MYT1L: variants seen among roughly 807,000 people sequenced by gnomAD.
The protein encoded by MYT1L is myelin transcription factor 1 like, also known as myelin transcription factor 1-like protein.
A neutral mutation model predicts 126.7 loss-of-function variants in MYT1L; 12 were observed. The observed-to-expected ratio is 0.09, with a 90% CI of 0.06 to 0.15. The LOEUF (loss-of-function observed/expected upper bound fraction) is 0.15. Ranked by LOEUF, MYT1L falls within the 10% of genes least tolerant of loss-of-function variation. The pLI is 1.00. For missense variants in MYT1L, 979 were observed against 1,585.2 expected (o/e 0.62, Z 6.49); for synonymous variants, 541 against 604.2 (o/e 0.90, Z 1.53).
At chr2:1,874,655 G>A (rs926983308) in intron 18 of MYT1L, among the ~76,000 whole-genome samples, 16 of 152,262 alleles carry the variant, frequency 1.1e-4, no homozygotes, top group African/African-American at 3.1e-4. Flanking sequence ...TGATGATGTC[G>A]GACACAGGGT....
rs991622764 is a variant in MYT1L at position 1,826,688 on chromosome 2, C to T, written c.3080+12461G>A. 5.3e-5 allele frequency among the ~76,000 whole-genome samples: 8 copies of T among 152,274 alleles called. No individual in the cohort carries two copies. The East Asian group carries it at 9.7e-4, about 18-fold the overall frequency. On this transcript the variant is annotated intron_variant, in intron 21 of 24. Transcript: ENST00000647738. ...GGGTACCGGGTCAGTGCAGGGCCGG[C>T]GTCGGGGAAAGCGGAGGGCTCCCCT...
chr2:2,068,778 T>G (rs1467583062), intron 3 of MYT1L, among the ~76,000 whole-genome samples: 43 of 139,144 alleles, frequency 3.1e-4, no homozygotes, highest in African/African-American at 1.0e-3. Flanking sequence ...TGTTTTTTTT[T>G]TTTTTTTTTT....
intron 2 of MYT1L, among the ~76,000 whole-genome samples, chr2:2,266,082 G>C (rs916974045): frequency 2.6e-5 from 4 of 152,216 alleles, no homozygotes; most frequent in African/African-American, 9.6e-5. Flanking sequence ...TGCTGCAAGA[G>C]ACATTCTGGG....
intron 1 of MYT1L, among the ~76,000 whole-genome samples, chr2:2,318,359 T>G (rs1180605762): frequency 6.6e-6 from 1 of 152,218 alleles, no homozygotes; most frequent in Admixed American, 6.5e-5. Flanking sequence ...CTTTCCACTC[T>G]TACTAACCCC....
At chr2:2,003,130 C>T (rs2149667134) in intron 4 of MYT1L, among the ~76,000 whole-genome samples, 1 of 152,264 alleles carries the variant, frequency 6.6e-6, no homozygotes, top group East Asian at 1.9e-4. Context: ...AAAATATGCA[C>T]CTGTTCTTCC....
chr2:1,826,849 A>G (rs13423681), intron 21 of MYT1L: 1 of 73,590 alleles, frequency 1.4e-5, no homozygotes, highest in African/African-American at 4.1e-5. Flanking sequence ...CAGGGGGAGC[A>G]TGGGGTGGGG....
chr2:2,329,294 A>T (rs1466692986), intron 1 of MYT1L, among the ~76,000 whole-genome samples: 1 of 142,902 alleles, frequency 7.0e-6, no homozygotes, highest in African/African-American at 2.6e-5. Context: ...ATTGGTAATT[A>T]ACTTTTTGTG....
At chr2:2,327,106 A>C (rs150773465) in intron 1 of MYT1L, 1 of 152,316 alleles carries the variant, frequency 6.6e-6, no homozygotes, top group Non-Finnish European at 1.5e-5. Context: ...ATACTATAAA[A>C]GTAGAATATT....
At chr2:1,826,270 G>T (rs2039322064) in intron 21 of MYT1L, among the ~76,000 whole-genome samples, 2 of 152,232 alleles carry the variant, frequency 1.3e-5, no homozygotes, top group Admixed American at 1.3e-4. Flanking sequence ...TCGGGCATGG[G>T]ACACAGTTCG....
chr2:2,140,432 C>CTTT (rs35297300), intron 3 of MYT1L, among the ~76,000 whole-genome samples: 16 of 112,944 alleles, frequency 1.4e-4, no homozygotes, highest in East Asian at 4.9e-4. Flanking sequence ...CTTTCTTTTT[C>CTTT]TTTTTTTTTT....
At position 2,027,053 on chromosome 2, in the gene MYT1L, C is replaced by T. The variant is rs114654936; in HGVS notation, c.-158+26925G>A. Among the ~76,000 whole-genome samples the T allele has an allele frequency of 5.2e-3, 796 of 152,312 alleles. 7 individuals are homozygous for T. The highest frequency in any genetic ancestry group is 0.018 in the African/African-American group (743 of 41,576). On this transcript the variant is annotated intron_variant, in intron 4 of 24. Transcript: ENST00000647738. ...ATCGCTCCACCTGGACCCCTCGCCA[C>T]CTCCAGCAAAAGGGGAGAGGAAGAG...
At chr2:2,054,611 A>G (rs376944754) in intron 3 of MYT1L, among the ~76,000 whole-genome samples, 3 of 152,092 alleles carry the variant, frequency 2.0e-5, no homozygotes, top group African/African-American at 7.2e-5. Flanking sequence ...ACAAGAGATG[A>G]TAAGACACAT....
At chr2:2,005,745 T>A in intron 4 of MYT1L, among the ~76,000 whole-genome samples, 1 of 149,764 alleles carries the variant, frequency 6.7e-6, no homozygotes, top group Non-Finnish European at 1.5e-5. Context: ...TGTGCCTTCT[T>A]TCCTGCAGGC....
At chr2:2,046,842 C>T (rs2068247352) in intron 4 of MYT1L, among the ~76,000 whole-genome samples, 1 of 152,194 alleles carries the variant, frequency 6.6e-6, no homozygotes. Flanking sequence ...ATAACCCATA[C>T]TTTTCAATAC....
At chr2:1,901,999 T>A (rs2050403035) in intron 14 of MYT1L, among the ~76,000 whole-genome samples, 1 of 152,178 alleles carries the variant, frequency 6.6e-6, no homozygotes, top group Admixed American at 6.5e-5. Context: ...TGACCTTTTT[T>A]AAAAAACTAT....
intron 4 of MYT1L, among the ~76,000 whole-genome samples, chr2:2,024,134 T>C (rs1558771115): frequency 6.6e-6 from 1 of 152,246 alleles, no homozygotes; most frequent in African/African-American, 2.4e-5. Flanking sequence ...ATATTTTATC[T>C]ACCTTCTGCC....
At chr2:2,141,821 A>T (rs1448322524) in intron 3 of MYT1L, among the ~76,000 whole-genome samples, 1 of 152,212 alleles carries the variant, frequency 6.6e-6, no homozygotes, top group Non-Finnish European at 1.5e-5. Flanking sequence ...GCTGGAGTAA[A>T]ACCTTAGTCC....
intron 4 of MYT1L, among the ~76,000 whole-genome samples, chr2:2,033,024 C>G (rs112824529): frequency 4.3e-4 from 59 of 136,244 alleles, no homozygotes; most frequent in African/African-American, 1.6e-3. Context: ...TCTTGTGGCC[C>G]AGAGCAGATT....
chr2:1,996,175 A>G (rs1247259967), intron 5 of MYT1L, among the ~76,000 whole-genome samples: 1 of 152,222 alleles, frequency 6.6e-6, no homozygotes, highest in Admixed American at 6.5e-5. Context: ...CCGGGCTAGG[A>G]GATGTGAGTG....
Sources: gnomAD v4.1 joint callset for allele counts (sites outside exome capture counted in the v4.1 genomes callset) on GRCh38, gnomAD v4.1.1 for gene constraint, MANE v1.5 for transcripts, NCBI Gene and HGNC (gene_info 2026-07-23, HGNC 2026-07-21) for gene names.